Variants in FGF12 observed in about 807,000 individuals in gnomAD.
FGF12 encodes fibroblast growth factor 12B.
FGF12 carries 14 observed loss-of-function variants against 23.6 expected under a neutral mutation model. That is an observed-to-expected ratio of 0.59 (90% CI 0.39 to 0.93). FGF12 has a LOEUF of 0.93. Among genes scored for constraint, FGF12 ranks in the 40% least tolerant of loss-of-function variants. FGF12 has a pLI of 0.00. For synonymous variants in FGF12, 62 were observed against 77.3 expected, an observed-to-expected ratio of 0.80 and a Z score of 1.04; for missense variants, 175 against 217.8, an observed-to-expected ratio of 0.80 and a Z score of 1.24.
At chr3:192,571,937 T>C (rs1005398541) in intron 2 of FGF12, among the ~76,000 whole-genome samples, 7 of 118,896 alleles carry the variant, frequency 5.9e-5, no homozygotes, top group Non-Finnish European at 1.0e-4. Flanking sequence ...CTTAGCACTA[T>C]TGCTGTTTTT....
At position 192,335,483 on chromosome 3, in the gene FGF12, G is replaced by T. The variant is rs755973373; in HGVS notation, c.125-19C>A. 1.3e-6 allele frequency: 2 copies of T among 1,485,344 alleles called. No individual in the cohort carries two copies. The highest frequency in any genetic ancestry group is 2.3e-5 in the South Asian group (2 of 88,436). 92.0% of individuals were successfully genotyped at this position (1,485,344 alleles called of 1,614,324 possible). A position where few individuals can be genotyped will look rare whatever the true frequency, so the allele number is the denominator to read the frequency against. On this transcript the variant is annotated intron_variant, in intron 3 of 5. Coordinates refer to ENST00000445105, the MANE Select transcript of FGF12 (RefSeq NM_004113.6). The stretch of plus-strand genomic sequence containing the variant: ...AAGAGAGCTGGGGGGAGAAAAAGAA[G>T]GGCGGAAAGGATCAGTGACCTTTTG...
At chr3:192,663,693 A>G (rs1232028680) in intron 2 of FGF12, among the ~76,000 whole-genome samples, 1 of 152,068 alleles carries the variant, frequency 6.6e-6, no homozygotes, top group Non-Finnish European at 1.5e-5. Context: ...CAAATATCAA[A>G]CAGGCTCTGA....
At position 192,424,019 on chromosome 3, in the gene FGF12, G is replaced by A. The variant is rs559219415; in HGVS notation, c.14-63481C>T. 5.9e-5 allele frequency among the ~76,000 whole-genome samples: 9 copies of A among 151,792 alleles called. No individual in the cohort carries two copies. In the South Asian group the frequency reaches 1.7e-3, roughly 28 times the overall value. ...AAATTTGAAATTTATTTTCTTCTTC[G>A]GACCTTTTCTTCACCCCGCCCTCTT... On this transcript the variant is annotated intron_variant, in intron 2 of 5. Coordinates refer to ENST00000445105, the MANE Select transcript of FGF12 (RefSeq NM_004113.6).
intron 2 of FGF12, among the ~76,000 whole-genome samples, chr3:192,597,498 A>G (rs13063479): frequency 0.15 from 23,588 of 152,212 alleles, 1,863 homozygotes; most frequent in Middle Eastern, 0.19. Flanking sequence ...AGAACAAGGC[A>G]ACAGTTTGAG....
chr3:192,175,128 G>A (rs1340060186), intron 4 of FGF12, among the ~76,000 whole-genome samples: 4 of 152,088 alleles, frequency 2.6e-5, no homozygotes, highest in Non-Finnish European at 5.9e-5. Flanking sequence ...TATTCAGAAG[G>A]GGTTCTGTGG....
intron 2 of FGF12, among the ~76,000 whole-genome samples, chr3:192,430,431 A>T (rs536669785): frequency 4.6e-4 from 70 of 152,228 alleles, no homozygotes; most frequent in Non-Finnish European, 8.4e-4. Flanking sequence ...AGTTTTGGAG[A>T]TCCATTGCAC....
rs1390006519 is a variant in FGF12, at chr3:192,311,923, GTCTGTCTATCTA to G, written c.228+23426_228+23437del. Among the ~76,000 whole-genome samples, 762 of 126,866 alleles carry G rather than the reference GTCTGTCTATCTA, an allele frequency of 6.0e-3. 4 individuals carry two copies. Among genetic ancestry groups the G allele is most frequent in the African/African-American group, 0.022 (697 of 32,362 alleles). The allele number at this position is 126,866 out of a possible 152,430, so 83.2% of individuals were successfully genotyped here. A position where few individuals can be genotyped will look rare whatever the true frequency, so the allele number is the denominator to read the frequency against. On this transcript the variant is annotated intron_variant, in intron 4 of 5. Transcript: ENST00000445105. ...AGTACATTTCACATTGCTATTGACT[GTCTGTCTATCTA>G]TCTATCTATCTATCTATCTATCTAT...
chr3:192,388,083 AC>A, intron 2 of FGF12, among the ~76,000 whole-genome samples: 1 of 151,562 alleles, frequency 6.6e-6, no homozygotes, highest in Non-Finnish European at 1.5e-5. Context: ...ACATAAAGAC[AC>A]CCCCATCTGT....
chr3:192,448,090 T>G (rs1482667964), intron 2 of FGF12, among the ~76,000 whole-genome samples: 1 of 152,198 alleles, frequency 6.6e-6, no homozygotes, highest in East Asian at 1.9e-4. Context: ...TATATGTGTG[T>G]ATACACATAC....
intron 2 of FGF12, among the ~76,000 whole-genome samples, chr3:192,630,554 A>AT (rs10695787): frequency 0.39 from 54,395 of 140,274 alleles, 10,737 homozygotes; most frequent in Admixed American, 0.47. Flanking sequence ...AAAAAATTCA[A>AT]TTTTTTTTTT....
intron 4 of FGF12, among the ~76,000 whole-genome samples, chr3:192,314,286 T>TA (rs1560065593): frequency 3.2e-4 from 48 of 148,010 alleles, no homozygotes; most frequent in African/African-American, 1.2e-3. Context: ...AAAATTAAAA[T>TA]TAAAAAAAAA....
rs2108799014 is a variant in FGF12 at position 192,445,858 on chromosome 3, G to C, written c.14-85320C>G. Among the ~76,000 whole-genome samples, 4 of 152,278 alleles carry C rather than the reference G, an allele frequency of 2.6e-5. No individual in the cohort carries two copies. The Middle Eastern group carries it at 0.014, about 518-fold the overall frequency. ...CAGAACAGCTGCCACCAGTAGAACA[G>C]AGTTGTTCCTCTCCTCTGCCACTCA... On this transcript the variant is annotated intron_variant, in intron 2 of 5. Coordinates refer to ENST00000445105, the MANE Select transcript of FGF12 (RefSeq NM_004113.6).
rs538628267 is a variant in FGF12 at position 192,428,708 on chromosome 3, GA to G, written c.14-68171del. ...GACTTTGAAACAGTAAAATATGAGAGAAAAAAAACCTGTATATTTTACAAAC... is the reference window on the plus strand; with the variant it reads ...GACTTTGAAACAGTAAAATATGAGAGAAAAAAACCTGTATATTTTACAAAC... On this transcript the variant is annotated intron_variant, in intron 2 of 5. Transcript: ENST00000445105. Among the ~76,000 whole-genome samples, 403 of 151,928 alleles carry G rather than the reference GA, an allele frequency of 2.7e-3. 1 individual carries two copies. Among genetic ancestry groups the G allele is most frequent in the African/African-American group, 9.2e-3 (381 of 41,446 alleles).
chr3:192,551,339 G>A (rs971092526), intron 2 of FGF12, among the ~76,000 whole-genome samples: 5 of 152,208 alleles, frequency 3.3e-5, no homozygotes, highest in Admixed American at 2.0e-4. Context: ...AAGTACTGAG[G>A]AGAGAAAGCT....
chr3:192,630,542 TA>T (rs1280932915), intron 2 of FGF12, among the ~76,000 whole-genome samples: 7 of 131,078 alleles, frequency 5.3e-5, no homozygotes, highest in Non-Finnish European at 6.2e-5. Flanking sequence ...ATTGTTGCTA[TA>T]AAAAAATTCA....
chr3:192,348,282 G>A (rs776776409), intron 3 of FGF12, among the ~76,000 whole-genome samples: 1 of 152,110 alleles, frequency 6.6e-6, no homozygotes, highest in East Asian at 1.9e-4. Context: ...GTGCAACCTC[G>A]CTAGATCTTG....
rs1053892850 is a variant in FGF12, at chr3:192,681,288, G to C, written c.13+45893C>G. 2.0e-5 allele frequency among the ~76,000 whole-genome samples: 3 copies of C among 152,332 alleles called. 1 individual carries two copies. The South Asian group carries it at 6.2e-4, about 32-fold the overall frequency. On this transcript the variant is annotated intron_variant, in intron 2 of 5. Transcript: ENST00000445105. ...AAGGGGTGACATAAAGTCAGACTAGGTGAGGAAAGGGCTGCCTTAGGAATG... is the reference window on the plus strand; with the variant it reads ...AAGGGGTGACATAAAGTCAGACTAGCTGAGGAAAGGGCTGCCTTAGGAATG...
rs150709304 is a variant in FGF12, at chr3:192,385,560, C to G, written c.14-25022G>C. ...ACAAAGCAGGACTGAGAGAATTCAC[C>G]CCCCCCAGCTCATAGTTCAGACCTC... On this transcript the variant is annotated intron_variant, in intron 2 of 5. Coordinates refer to ENST00000445105, the MANE Select transcript of FGF12 (RefSeq NM_004113.6). Among the ~76,000 whole-genome samples the G allele has an allele frequency of 1.3e-4, 19 of 151,962 alleles. No individual in the cohort carries two copies. The East Asian group carries it at 2.5e-3, about 20-fold the overall frequency.
intron 4 of FGF12, among the ~76,000 whole-genome samples, chr3:192,258,795 A>G (rs976105756): frequency 6.6e-6 from 1 of 152,202 alleles, no homozygotes. Flanking sequence ...AAAGAGAAAG[A>G]AAGCAGTGAA....
Sources: gnomAD v4.1 joint callset for allele counts (sites outside exome capture counted in the v4.1 genomes callset) on GRCh38, gnomAD v4.1.1 for gene constraint, MANE v1.5 for transcripts, NCBI Gene and HGNC (gene_info 2026-07-23, HGNC 2026-07-21) for gene names.